The following ARHGAP45 variants were observed in gnomAD, a reference collection of about 807,000 sequenced individuals.
The protein encoded by ARHGAP45 is rho GTPase-activating protein 45.
A neutral mutation model predicts 116.1 loss-of-function variants in ARHGAP45; 56 were observed. That is an observed-to-expected ratio of 0.48 (90% CI 0.39 to 0.60). ARHGAP45 has a LOEUF of 0.60. Ranked by LOEUF, ARHGAP45 falls within the 20% of genes least tolerant of loss-of-function variation. The probability of loss-of-function intolerance (pLI) is 0.00; values close to 1 mark genes in which losing one functional copy is unlikely to be tolerated. For synonymous variants in ARHGAP45, 866 were observed against 701.7 expected, an observed-to-expected ratio of 1.23 and a Z score of -3.70; for missense variants, 1,622 against 1,601.0, an observed-to-expected ratio of 1.01 and a Z score of -0.22.
At chr19:1,082,733 G>T (rs955964005) in intron 19 of ARHGAP45, 107 bp from the exon 20 acceptor site, 2 of 966,894 alleles carry the variant, frequency 2.1e-6, no homozygotes, top group Non-Finnish European at 2.9e-6. Context: ...GCTCGGTGGG[G>T]TGTGGCCAGT....
intron 2 of ARHGAP45, among the ~76,000 whole-genome samples, chr19:1,070,032 G>A (rs1287753021): frequency 6.6e-6 from 1 of 152,024 alleles, no homozygotes; most frequent in Non-Finnish European, 1.5e-5. Context: ...GTCTCACTCT[G>A]TCGCCCAGGC....
chr19:1,081,337 G>A, intron 17 of ARHGAP45: 1 of 647,532 alleles, frequency 1.5e-6, no homozygotes, highest in East Asian at 2.8e-5. Context: ...CCCTGGAGCT[G>A]TGTCCAGAAA....
Position 1,068,210 on chromosome 19 carries a change from T to G in ARHGAP45, c.91-204T>G. ...GCTGTGGTTTGGGCAAGGACCGTTGTTTGTGAAAGCTCTAGGGAAGAGGAT... is the reference window on the plus strand; with the variant it reads ...GCTGTGGTTTGGGCAAGGACCGTTGGTTGTGAAAGCTCTAGGGAAGAGGAT... On this transcript the variant is annotated intron_variant, in intron 1 of 22. Coordinates refer to ENST00000313093, the MANE Select transcript of ARHGAP45 (RefSeq NM_012292.5). The surrounding 1 kb of genome is among the most constrained non-coding windows in gnomAD (Gnocchi z 7.5). The G allele has an allele frequency of 9.3e-6, 5 of 537,492 alleles. No individual in the cohort carries two copies. The highest frequency in any genetic ancestry group is 1.3e-5 in the Non-Finnish European group (4 of 312,400). The allele number at this position is 537,492 out of a possible 1,614,324, so 33.3% of individuals were successfully genotyped here. A position where few individuals can be genotyped will look rare whatever the true frequency, so the allele number is the denominator to read the frequency against.
chr19:1,083,841 A>T (rs1468040232), intron 21 of ARHGAP45, among the ~76,000 whole-genome samples: 5 of 152,160 alleles, frequency 3.3e-5, no homozygotes, highest in African/African-American at 1.2e-4. Flanking sequence ...CCCAGGTTCA[A>T]GCGATTCTCC....
At chr19:1,076,115 C>T (rs541552560) in intron 10 of ARHGAP45, among the ~76,000 whole-genome samples, 12 of 152,058 alleles carry the variant, frequency 7.9e-5, no homozygotes, top group African/African-American at 2.7e-4. Context: ...GTTGCTGTTA[C>T]GAACACCATT....
At position 1,073,549 on chromosome 19, in the gene ARHGAP45, C is replaced by G. The variant is rs751796099; in HGVS notation, c.609C>G (p.Phe203Leu). The G allele has an allele frequency of 6.2e-6, 10 of 1,613,958 alleles. No homozygotes were observed. Among genetic ancestry groups the G allele is most frequent in the Middle Eastern group, 1.6e-4 (1 of 6,062 alleles). The change falls in exon 4 of 23, where the codon TTC becomes TTG. Residue 203 changes from phenylalanine to leucine, a missense_variant. Phe to Leu is a conservative substitution (Grantham distance 22). Coordinates refer to ENST00000313093, the MANE Select transcript of ARHGAP45 (RefSeq NM_012292.5). ...ESNNDLEKQEFEKALETIAVA... is the reference protein window; with the variant it reads ...ESNNDLEKQELEKALETIAVA... ...ACAATGATCTGGAGAAACAGGAGTTCGAGAAGGCCCTGGAGACGATTGCTG... is the reference window on the plus strand; with the variant it reads ...ACAATGATCTGGAGAAACAGGAGTTGGAGAAGGCCCTGGAGACGATTGCTG...
chr19:1,076,301 C>T (rs754603690), intron 10 of ARHGAP45, among the ~76,000 whole-genome samples: 1 of 152,054 alleles, frequency 6.6e-6, no homozygotes, highest in Non-Finnish European at 1.5e-5. Context: ...CCTTTGCTTA[C>T]TTTGTACTGG....
intron 10 of ARHGAP45, chr19:1,077,374 CTTTTTTTTT>C (rs34571690): frequency 2.2e-6 from 2 of 920,776 alleles, no homozygotes; most frequent in Non-Finnish European, 2.5e-6. Flanking sequence ...TCCTCCCGTT[CTTTTTTTTT>C]TTTTTTTTTT....
In ARHGAP45 at chr19:1,081,912, A is replaced by T. The variant is rs1568479781; in HGVS notation, c.2468A>T (p.Gln823Leu). 1.2e-6 allele frequency: 2 copies of T among 1,612,902 alleles called. No individual in the cohort carries two copies. Among genetic ancestry groups the T allele is most frequent in the Non-Finnish European group, 1.7e-6 (2 of 1,179,860 alleles). ...GGCAAGGAGCTGGTCGAGCTGTCGC[A>T]GGCCTCGCCCCACGACATCAGCAAC... ...ENGKELVELS[Q>L]ASPHDISNVL... The change falls in exon 19 of 23, where the codon CAG (glutamine) becomes CTG (leucine). Residue 823 changes from glutamine (Q) to leucine (L), a missense_variant. By Grantham distance (113) the Gln-to-Leu change is moderately radical (BLOSUM62 -2). This residue lies in a region of ARHGAP45 where 1,334 missense variants were observed against 1,263.8 expected (regional missense o/e 1.06). Transcript: ENST00000313093.
chr19:1,084,493 A>G, intron 22 of ARHGAP45, 147 bp downstream of exon 22: 1 of 618,292 alleles, frequency 1.6e-6, no homozygotes, highest in Non-Finnish European at 2.8e-6. Flanking sequence ...GACCACACCT[A>G]TGAGCTACTC....
chr19:1,082,690 A>G, intron 19 of ARHGAP45, 150 bp from the exon 20 acceptor site: 1 of 646,038 alleles, frequency 1.5e-6, no homozygotes, highest in South Asian at 2.2e-5. Context: ...TGGGCTGGGA[A>G]AGGGGACTGA....
At chr19:1,085,613 C>T in intron 22 of ARHGAP45, 47 bp from the exon 23 acceptor site, 3 of 1,391,548 alleles carry the variant, frequency 2.2e-6, no homozygotes, top group Non-Finnish European at 2.9e-6. Flanking sequence ...TGTCTCTCCT[C>T]CATCTCTCCT....
Position 1,077,846 on chromosome 19 carries a change from C to A in ARHGAP45, c.1186-11C>A. On this transcript the variant is annotated splice_polypyrimidine_tract_variant and intron_variant, in intron 10 of 22. Coordinates refer to ENST00000313093, the MANE Select transcript of ARHGAP45 (RefSeq NM_012292.5). ...GGGTTGGAACTGGCCTCCTGGCTCCCACACCCACAGCAAGAGGCGGAGTCC... is the reference window on the plus strand; with the variant it reads ...GGGTTGGAACTGGCCTCCTGGCTCCAACACCCACAGCAAGAGGCGGAGTCC... 6.4e-7 allele frequency: 1 copy of A among 1,552,070 alleles called. No homozygotes were observed. Among genetic ancestry groups the A allele is most frequent in the Admixed American group, 2.0e-5 (1 of 51,118 alleles).
chr19:1,085,373 G>C (rs1370453755), intron 22 of ARHGAP45, among the ~76,000 whole-genome samples: 1 of 152,070 alleles, frequency 6.6e-6, no homozygotes, highest in African/African-American at 2.4e-5. Flanking sequence ...GGAATTATGG[G>C]AGCTACAAGA....
At chr19:1,074,962 G>T in intron 10 of ARHGAP45, 83 bp downstream of exon 10, 1 of 1,206,028 alleles carries the variant, frequency 8.3e-7, no homozygotes, top group Non-Finnish European at 1.1e-6. Flanking sequence ...CCATAGCGAG[G>T]GCCCTGCGGC....
In ARHGAP45 at chr19:1,081,716, A is replaced by AGCG. The variant is rs1432819196; in HGVS notation, c.2362_2364dup (p.Arg788dup). The AGCG allele has an allele frequency of 1.9e-6, 3 of 1,573,144 alleles. No individual in the cohort carries two copies. Among genetic ancestry groups the AGCG allele is most frequent in the Non-Finnish European group, 2.6e-6 (3 of 1,159,460 alleles). ...GTCAAGAAGTGCGTCTGCGAGATCG[A>AGCG]GCGGCGGGCGCTGCGCACCAAGGTG... On this transcript the variant is annotated inframe_insertion, in exon 18 of 23. Transcript: ENST00000313093.
chr19:1,079,638 G>A (rs1359375774), intron 11 of ARHGAP45, 65 bp from the exon 12 acceptor site: 21 of 1,570,732 alleles, frequency 1.3e-5, no homozygotes, highest in Non-Finnish European at 1.7e-5. Flanking sequence ...GCCTCCCTGA[G>A]GTTTCTGTCT....
Position 1,085,879 on chromosome 19 carries a change from A to G in ARHGAP45, c.3284A>G (p.Gln1095Arg), listed in dbSNP as rs1239913784. Residue 1095 changes from glutamine to arginine, a missense_variant, in exon 23 of 23, where the codon CAG becomes CGG. By Grantham distance (43) the Gln-to-Arg change is conservative (BLOSUM62 1). Transcript: ENST00000313093. ...DGDGDEDGPA[Q>R]QLSGFNTNQS... is the part of the protein sequence containing the mutation. ...GACGGGGACGAGGACGGCCCGGCCC[A>G]GCAGCTCTCAGGATTCAACACCAAC... 9 of 1,612,726 alleles carry G rather than the reference A, an allele frequency of 5.6e-6. No homozygotes were observed. Among genetic ancestry groups the G allele is most frequent in the African/African-American group, 1.3e-5 (1 of 74,836 alleles).
chr19:1,077,778 G>C, intron 10 of ARHGAP45, 79 bp from the exon 11 acceptor site: 1 of 1,545,852 alleles, frequency 6.5e-7, no homozygotes, highest in Non-Finnish European at 8.7e-7. Flanking sequence ...TGGGGGTGGG[G>C]AGGAAAGGAG....
Sources: allele counts gnomAD v4.1 joint callset (sites outside exome capture counted in the v4.1 genomes callset), GRCh38; gene constraint gnomAD v4.1.1; regional missense constraint gnomAD v4.1.1; non-coding constraint Gnocchi (gnomAD v3.1); transcripts MANE v1.5; gene names NCBI Gene and HGNC (gene_info 2026-07-23, HGNC 2026-07-21).